The following MYH7B variants were observed in gnomAD, a reference collection of about 807,000 sequenced individuals.
The protein encoded by MYH7B is myosin-7B.
In MYH7B, 205 loss-of-function variants were observed where a neutral mutation model predicts 234.5. The observed-to-expected ratio is 0.87, with a 90% CI of 0.78 to 0.98. MYH7B has a LOEUF of 0.98. Ranked by LOEUF, MYH7B falls within the 50% of genes least tolerant of loss-of-function variation. The probability of loss-of-function intolerance (pLI) is 0.00; values close to 1 mark genes in which losing one functional copy is unlikely to be tolerated. For synonymous variants in MYH7B, 1,193 were observed against 1,105.0 expected, an observed-to-expected ratio of 1.08 and a Z score of -1.58; for missense variants, 2,652 against 2,633.4, an observed-to-expected ratio of 1.01 and a Z score of -0.15.
chr20:34,960,148 T>C (rs1019429993), intron 2 of MYH7B, among the ~76,000 whole-genome samples: 1 of 152,222 alleles, frequency 6.6e-6, no homozygotes, highest in African/African-American at 2.4e-5. Context: ...AGGGATGTAC[T>C]TCACTGTGAA....
chr20:35,000,743 G>C (rs771656275), intron 39 of MYH7B, 25 bp from the exon 40 acceptor site: 2 of 1,607,622 alleles, frequency 1.2e-6, no homozygotes, highest in Non-Finnish European at 1.7e-6. Flanking sequence ...TGGCTGGCTG[G>C]CTCTGAGACT....
Position 34,990,767 on chromosome 20 carries a change from G to A in MYH7B, c.2007G>A (p.Leu669=), listed in dbSNP as rs775952931. The change falls in exon 23 of 45, where the codon CTG becomes CTA. Residue 669 remains leucine (L), a synonymous_variant. Coordinates refer to ENST00000262873, the Ensembl canonical transcript of MYH7B. The stretch of plus-strand genomic sequence containing the variant: ...ACCTCAACAAGCTGATGACCAACCT[G>A]CGGGCCACACAGCCCCACTTCGTCC... 5.0e-6 allele frequency: 8 copies of A among 1,614,032 alleles called. No individual in the cohort carries two copies. The Middle Eastern group carries it at 4.9e-4, about 99-fold the overall frequency.
chr20:34,994,551 T>C, intron 27 of MYH7B, 150 bp downstream of exon 27: 1 of 1,019,816 alleles, frequency 9.8e-7, no homozygotes, highest in Non-Finnish European at 1.4e-6. Context: ...TGTCCCAGCC[T>C]CACCACCCCA....
exon 32 of MYH7B, chr20:34,997,505 G>T: frequency 6.3e-7 from 1 of 1,585,002 alleles, no homozygotes; most frequent in Non-Finnish European, 8.6e-7. Context: ...GCAAGCAGGC[G>T]GAGGGCGCGG....
exon 27 of MYH7B, chr20:34,994,172 A>G: frequency 6.2e-7 from 1 of 1,613,356 alleles, no homozygotes; most frequent in Non-Finnish European, 8.5e-7. Context: ...ATCCAGTGGA[A>G]CATCCGTGCC....
chr20:34,976,144 C>T (rs1200124664), intron 3 of MYH7B, among the ~76,000 whole-genome samples: 1 of 152,232 alleles, frequency 6.6e-6, no homozygotes, highest in Admixed American at 6.5e-5. Context: ...GCGTATAGAG[C>T]ATTTCCTGCC....
At position 34,955,906 on chromosome 20, in the gene MYH7B, A is replaced by T. The variant is rs972418432; in HGVS notation, c.-438A>T. On this transcript the variant is annotated 5_prime_UTR_variant, in exon 1 of 45. An upstream start codon of the reference 5' UTR is lost. Transcript: ENST00000262873. ...AGTCGAGGCCAGGAAGGGGCGGTCG[A>T]TGAGAGGGCGGCCTTAGCATTAGGA... is the stretch of plus-strand genomic sequence containing the variant. The T allele has an allele frequency of 6.6e-6, 1 of 152,338 alleles. No individual in the cohort carries two copies. Among genetic ancestry groups the T allele is most frequent in the Non-Finnish European group, 1.5e-5 (1 of 68,156 alleles). The allele number at this position is 152,338 out of a possible 1,614,324, so 9.4% of individuals were successfully genotyped here.
At chr20:34,991,052 T>C (rs1313302187) in exon 24 of MYH7B, 2 of 1,613,890 alleles carry the variant, frequency 1.2e-6, no homozygotes, top group Non-Finnish European at 1.7e-6. Context: ...TGCAATGGGG[T>C]CCTGGAGGGG....
intron 2 of MYH7B, among the ~76,000 whole-genome samples, chr20:34,966,938 T>A (rs1323466465): frequency 1.3e-5 from 2 of 151,304 alleles, no homozygotes; most frequent in African/African-American, 2.4e-5. Flanking sequence ...ATTTTTTTTT[T>A]AAAAAAGGGA....
chr20:34,975,808 C>T (rs7261969), intron 3 of MYH7B, among the ~76,000 whole-genome samples: 29,373 of 152,000 alleles, frequency 0.19, 2,917 homozygotes, highest in Middle Eastern at 0.33. Flanking sequence ...CTCTGCCTCC[C>T]GGGTTCACGC....
rs766155653 is a variant in MYH7B at position 34,997,602 on chromosome 20, G to A, written c.3709G>A (p.Asp1237Asn). 41 of 1,613,598 alleles carry A rather than the reference G, an allele frequency of 2.5e-5. 1 individual carries two copies. In the Middle Eastern group the frequency reaches 5.0e-4, roughly 19 times the overall value. Residue 1237 changes from aspartate (D) to asparagine (N), a missense_variant, in exon 32 of 45, where the codon GAC (aspartate) becomes AAC (asparagine). Physicochemically the swap from Asp to Asn is conservative, Grantham distance 23. This residue lies in a region of MYH7B where 2,279 missense variants were observed against 2,211.4 expected (regional missense o/e 1.03). Coordinates refer to ENST00000262873, the Ensembl canonical transcript of MYH7B. ...GAGTGAGCTGCGCATGGAGGTGGAC[G>A]ACCTGGCTGCCAACGTGGAGACTCT...
rs751415630 is a variant in MYH7B at position 34,998,534 on chromosome 20, GAGA to G, written c.3901_3903del (p.Lys1301del). On this transcript the variant is annotated inframe_deletion, in exon 34 of 45. Transcript: ENST00000262873. Reference sequence around the variant, plus strand: ...AGGGGAGCTGAGTCGCCTGCTAGAGGAGAAGGAGTGTCTGATCAGTCAGCTGAG... The same window carrying G: ...AGGGGAGCTGAGTCGCCTGCTAGAGGAGGAGTGTCTGATCAGTCAGCTGAG... 4.0e-5 allele frequency: 64 copies of G among 1,613,694 alleles called. No individual in the cohort carries two copies. Among genetic ancestry groups the G allele is most frequent in the Middle Eastern group, 1.6e-4 (1 of 6,062 alleles).
At chr20:34,987,728 C>T (rs1185419911) in intron 17 of MYH7B, 37 bp from the exon 18 acceptor site, 3 of 1,613,538 alleles carry the variant, frequency 1.9e-6, no homozygotes, top group Non-Finnish European at 2.5e-6. Flanking sequence ...GGGTCCCCTC[C>T]TTGCCAGGTC....
At chr20:34,964,503 G>A (rs954146874) in intron 2 of MYH7B, among the ~76,000 whole-genome samples, 3 of 152,148 alleles carry the variant, frequency 2.0e-5, no homozygotes, top group Non-Finnish European at 4.4e-5. Flanking sequence ...GGGAGAGGAC[G>A]GTTGTCACCT....
intron 3 of MYH7B, 99 bp from the exon 4 acceptor site, chr20:34,977,533 A>T: frequency 9.0e-7 from 1 of 1,107,964 alleles, no homozygotes; most frequent in Non-Finnish European, 1.3e-6. Flanking sequence ...GTGCTGGTGG[A>T]GATAAAAGGG....
chr20:34,980,982 G>A (rs1394110707), intron 8 of MYH7B, 51 bp from the exon 9 acceptor site: 17 of 1,612,962 alleles, frequency 1.1e-5, no homozygotes, highest in Non-Finnish European at 1.4e-5. Context: ...TTCCACCTGT[G>A]GCTGGCCCCA....
At chr20:34,987,393 G>A in intron 16 of MYH7B, 106 bp downstream of exon 16, 1 of 1,503,486 alleles carries the variant, frequency 6.7e-7, no homozygotes, top group Non-Finnish European at 9.0e-7. Context: ...GTCTTACCTG[G>A]CCCTGCCTCC....
chr20:34,996,584 G>A (rs2082263434), intron 29 of MYH7B, 29 bp from the exon 30 acceptor site: 1 of 1,605,826 alleles, frequency 6.2e-7, no homozygotes, highest in African/African-American at 1.3e-5. Context: ...CTTGGGCCAT[G>A]GCTGACCCCT....
At chr20:34,986,023 T>A in intron 13 of MYH7B, 77 bp from the exon 14 acceptor site, 1 of 1,272,668 alleles carries the variant, frequency 7.9e-7, no homozygotes, top group Non-Finnish European at 1.1e-6. Flanking sequence ...CCCACCTCTC[T>A]CCCTCCGCAT....
Sources: allele counts gnomAD v4.1 joint callset (sites outside exome capture counted in the v4.1 genomes callset), GRCh38; gene constraint gnomAD v4.1.1; regional missense constraint gnomAD v4.1.1; transcripts MANE v1.5; gene names NCBI Gene and HGNC (gene_info 2026-07-23, HGNC 2026-07-21).